ZMIZ1: variants seen among roughly 807,000 people sequenced by gnomAD.
ZMIZ1 encodes zinc finger MIZ-type containing 1, also known as zinc finger MIZ domain-containing protein 1.
ZMIZ1 carries 17 observed loss-of-function variants against 113.9 expected under a neutral mutation model. The ratio of observed to expected loss-of-function variants is 0.15; its 90% CI spans 0.10 to 0.22. ZMIZ1 has a LOEUF of 0.22. ZMIZ1 is among the 10% of genes least tolerant of loss of function. The pLI, the probability that ZMIZ1 is intolerant of heterozygous loss-of-function variation, is 1.00. For synonymous variants in ZMIZ1, 607 were observed against 603.1 expected (o/e 1.01, Z -0.09); for missense variants, 1,059 against 1,477.8 (o/e 0.72, Z 4.65).
At chr10:79,079,296 C>T (rs1397880205) in intron 1 of ZMIZ1, among the ~76,000 whole-genome samples, 1 of 152,222 alleles carries the variant, frequency 6.6e-6, no homozygotes, top group Non-Finnish European at 1.5e-5. Flanking sequence ...GCTGTGGGCC[C>T]CCAGAACCTG....
Position 79,315,752 on chromosome 10 carries a change from C to T in ZMIZ1, c.*3003C>T, listed in dbSNP as rs1855495383. ...CACAGGGCCGTGTCAACAGCAGCGA[C>T]TCAAGGGACGTGTGTACATATGTAA... On this transcript the variant is annotated 3_prime_UTR_variant, in exon 25 of 25. Coordinates refer to ENST00000334512, the MANE Select transcript of ZMIZ1 (RefSeq NM_020338.4). 6.5e-6 allele frequency: 1 copy of T among 152,780 alleles called. No homozygotes were observed. The highest frequency in any genetic ancestry group is 1.5e-5 in the Non-Finnish European group (1 of 68,046). The allele number at this position is 152,780 out of a possible 1,614,324, so 9.5% of individuals were successfully genotyped here. A position where few individuals can be genotyped will look rare whatever the true frequency, so the allele number is the denominator to read the frequency against.
At chr10:79,115,554 C>T (rs943491473) in intron 1 of ZMIZ1, among the ~76,000 whole-genome samples, 1 of 152,222 alleles carries the variant, frequency 6.6e-6, no homozygotes, top group South Asian at 2.1e-4. Context: ...GGCCTCAGCA[C>T]TGCCTTGGCC....
chr10:79,246,439 G>A (rs1283095816), intron 7 of ZMIZ1, among the ~76,000 whole-genome samples: 1 of 145,986 alleles, frequency 6.8e-6, no homozygotes, highest in Non-Finnish European at 1.5e-5. Flanking sequence ...CAAGGGAGGT[G>A]TTTACCTTGA....
chr10:79,185,277 G>A (rs1050066021), intron 4 of ZMIZ1, among the ~76,000 whole-genome samples: 2 of 151,970 alleles, frequency 1.3e-5, no homozygotes, highest in South Asian at 2.1e-4. Flanking sequence ...AAACGGATTC[G>A]CCCCAAAATT....
At chr10:79,311,864 T>C (rs1193324623) in intron 24 of ZMIZ1, among the ~76,000 whole-genome samples, 1 of 152,052 alleles carries the variant, frequency 6.6e-6, no homozygotes, top group Non-Finnish European at 1.5e-5. Flanking sequence ...CGCCCATGCC[T>C]ACACAGAGCT....
At chr10:79,232,278 GGTGA>G (rs1255558111) in intron 7 of ZMIZ1, among the ~76,000 whole-genome samples, 1 of 152,166 alleles carries the variant, frequency 6.6e-6, no homozygotes, top group Admixed American at 6.5e-5. Flanking sequence ...AGACAGAATA[GGTGA>G]GTGGGTGGTA....
intron 1 of ZMIZ1, among the ~76,000 whole-genome samples, chr10:79,097,466 G>C (rs958677830): frequency 1.3e-5 from 2 of 152,214 alleles, no homozygotes; most frequent in African/African-American, 4.8e-5. Context: ...CCCTGGCCCT[G>C]CAACCTTTGT....
At chr10:79,203,789 G>A (rs1250575) in intron 5 of ZMIZ1, among the ~76,000 whole-genome samples, 63,497 of 152,084 alleles carry the variant, frequency 0.42, 13,733 homozygotes, top group Non-Finnish European at 0.49. Flanking sequence ...TTAAGTTGCC[G>A]CTTCACTTCC....
intron 1 of ZMIZ1, among the ~76,000 whole-genome samples, chr10:79,089,218 T>C (rs1281691736): frequency 3.9e-5 from 6 of 152,220 alleles, no homozygotes; most frequent in Non-Finnish European, 5.9e-5. Context: ...GGAGAGGTTC[T>C]CCGTGGTCCA....
At chr10:79,179,647 C>T (rs1486076788) in intron 4 of ZMIZ1, among the ~76,000 whole-genome samples, 2 of 152,272 alleles carry the variant, frequency 1.3e-5, no homozygotes, top group Non-Finnish European at 2.9e-5. Flanking sequence ...CGCACCGTCT[C>T]CCTGCAGTCT....
intron 2 of ZMIZ1, 27 bp from the exon 3 acceptor site, chr10:79,139,655 C>T (rs994738411): frequency 1.5e-5 from 6 of 398,500 alleles, no homozygotes; most frequent in African/African-American, 1.2e-4. Flanking sequence ...CTCTCACACA[C>T]GTCTCATCTC....
chr10:79,206,489 T>C (rs972568792), intron 5 of ZMIZ1, among the ~76,000 whole-genome samples: 28 of 152,186 alleles, frequency 1.8e-4, no homozygotes, highest in African/African-American at 6.5e-4. Flanking sequence ...ATACCACCTG[T>C]GGCCTCTGAG....
At chr10:79,154,195 G>C (rs1845813750) in intron 3 of ZMIZ1, among the ~76,000 whole-genome samples, 1 of 152,138 alleles carries the variant, frequency 6.6e-6, no homozygotes, top group African/African-American at 2.4e-5. Context: ...TCCAACACCA[G>C]AATGGACCTG....
intron 7 of ZMIZ1, among the ~76,000 whole-genome samples, chr10:79,256,387 C>T (rs1158395214): frequency 6.6e-5 from 10 of 152,286 alleles, no homozygotes; most frequent in South Asian, 4.1e-4. Flanking sequence ...TCCCAGCCCT[C>T]GGTGGACTCT....
chr10:79,144,010 G>C (rs781578050), intron 3 of ZMIZ1, among the ~76,000 whole-genome samples: 13 of 152,170 alleles, frequency 8.5e-5, no homozygotes, highest in Non-Finnish European at 1.9e-4. Context: ...CTGCATCGGG[G>C]ACTAGGGCAG....
chr10:79,116,343 A>G (rs561244966), intron 1 of ZMIZ1, among the ~76,000 whole-genome samples: 56 of 152,190 alleles, frequency 3.7e-4, no homozygotes, highest in African/African-American at 1.3e-3. Context: ...TTCTGCTTGG[A>G]GAACTCCGAG....
At chr10:79,207,497 C>G (rs1848364457) in intron 5 of ZMIZ1, among the ~76,000 whole-genome samples, 1 of 152,206 alleles carries the variant, frequency 6.6e-6, no homozygotes. Context: ...GGAACCACCC[C>G]TTTGCTTTGC....
chr10:79,237,858 C>CA (rs1212074144), intron 7 of ZMIZ1, among the ~76,000 whole-genome samples: 1 of 152,002 alleles, frequency 6.6e-6, no homozygotes, highest in Admixed American at 6.5e-5. Flanking sequence ...CCTTGTTTTA[C>CA]AAAGGAGGAG....
At chr10:79,254,399 C>T (rs1035294637) in intron 7 of ZMIZ1, among the ~76,000 whole-genome samples, 1 of 152,260 alleles carries the variant, frequency 6.6e-6, no homozygotes, top group Admixed American at 6.5e-5. Context: ...GGCACAGAAG[C>T]AGAGTCAGGG....
Sources: allele counts gnomAD v4.1 joint callset (sites outside exome capture counted in the v4.1 genomes callset), GRCh38; gene constraint gnomAD v4.1.1; transcripts MANE v1.5; gene names NCBI Gene and HGNC (gene_info 2026-07-23, HGNC 2026-07-21).